Variants in ANO3 observed in about 807,000 individuals in gnomAD.
ANO3 encodes anoctamin-3.
In ANO3, 99 loss-of-function variants were observed where a neutral mutation model predicts 144.8. That is an observed-to-expected ratio of 0.68 (90% CI 0.58 to 0.81). ANO3 has a LOEUF of 0.81. Ranked by LOEUF, ANO3 falls within the 30% of genes least tolerant of loss-of-function variation. ANO3 has a pLI of 0.00. For synonymous variants in ANO3, 414 were observed against 392.6 expected, an observed-to-expected ratio of 1.05 and a Z score of -0.64; for missense variants, 905 against 1,202.2, an observed-to-expected ratio of 0.75 and a Z score of 3.66.
At chr11:26,190,899 T>A (rs1018281467) in intron 1 of ANO3, among the ~76,000 whole-genome samples, 1 of 152,234 alleles carries the variant, frequency 6.6e-6, no homozygotes, top group Non-Finnish European at 1.5e-5. Flanking sequence ...TATTTTTCTA[T>A]GACTTCTAAG....
intron 1 of ANO3, among the ~76,000 whole-genome samples, chr11:26,259,509 A>T (rs55665111): frequency 3.7e-5 from 5 of 136,686 alleles, no homozygotes; most frequent in African/African-American, 1.1e-4. Context: ...TTAGCCTGGC[A>T]TGGTGGTGTG....
chr11:26,657,903 C>A (rs1201837042), intron 26 of ANO3, among the ~76,000 whole-genome samples: 1 of 152,050 alleles, frequency 6.6e-6, no homozygotes, highest in Admixed American at 6.6e-5. Flanking sequence ...ATATTTTCCC[C>A]ATTCTATCAG....
intron 1 of ANO3, among the ~76,000 whole-genome samples, chr11:26,360,731 C>A (rs1855903660): frequency 6.6e-6 from 1 of 152,150 alleles, no homozygotes. Context: ...CTCTGCTCTA[C>A]TTTGTCAATT....
chr11:26,617,462 A>G (rs1472367549), intron 17 of ANO3, among the ~76,000 whole-genome samples: 2 of 152,254 alleles, frequency 1.3e-5, no homozygotes, highest in African/African-American at 4.8e-5. Context: ...TATTGGAATT[A>G]TAGAAGAATC....
intron 1 of ANO3, among the ~76,000 whole-genome samples, chr11:26,362,799 A>T (rs188943478): frequency 6.6e-5 from 10 of 152,266 alleles, no homozygotes; most frequent in Middle Eastern, 3.4e-3. Flanking sequence ...AGTCTATACC[A>T]TGAGGGAAGG....
At chr11:26,341,674 G>A (rs555388327) in intron 1 of ANO3, among the ~76,000 whole-genome samples, 3 of 152,294 alleles carry the variant, frequency 2.0e-5, no homozygotes, top group African/African-American at 4.8e-5. Context: ...TCCCATGATA[G>A]GCCGTCTGCA....
intron 3 of ANO3, among the ~76,000 whole-genome samples, chr11:26,452,214 T>C (rs1432721358): frequency 3.9e-5 from 6 of 152,224 alleles, no homozygotes; most frequent in East Asian, 3.9e-4. Flanking sequence ...TCACCAGCAA[T>C]GGAACAAAGC....
intron 4 of ANO3, among the ~76,000 whole-genome samples, chr11:26,503,938 A>G (rs1249251570): frequency 6.6e-6 from 1 of 152,158 alleles, no homozygotes; most frequent in Non-Finnish European, 1.5e-5. Context: ...CTTGATTTCT[A>G]GGTCTTCTCA....
intron 1 of ANO3, among the ~76,000 whole-genome samples, chr11:26,431,821 T>C (rs1018704430): frequency 9.2e-5 from 14 of 152,228 alleles, no homozygotes; most frequent in Admixed American, 2.6e-4. Flanking sequence ...AACATTTAAT[T>C]TGATTCATTG....
In ANO3 at chr11:26,349,275, GA is replaced by G. The variant is rs1175405814; in HGVS notation, c.46+16955del. Among the ~76,000 whole-genome samples, 17 of 152,144 alleles carry G rather than the reference GA, an allele frequency of 1.1e-4. 1 individual carries two copies. Among genetic ancestry groups the G allele is most frequent in the Admixed American group, 6.5e-4 (10 of 15,276 alleles). Reference sequence around the variant, plus strand: ...CATTCAAATGTAAAATCTAAGTTTAGATATTACTTCTGAAACTTAACCATTG... The same window carrying G: ...CATTCAAATGTAAAATCTAAGTTTAGTATTACTTCTGAAACTTAACCATTG... On this transcript the variant is annotated intron_variant, in intron 1 of 26. Coordinates refer to ENST00000256737, the MANE Select transcript of ANO3 (RefSeq NM_031418.4).
chr11:26,587,325 C>G (rs1278537847), intron 14 of ANO3, among the ~76,000 whole-genome samples: 1 of 152,178 alleles, frequency 6.6e-6, no homozygotes, highest in Non-Finnish European at 1.5e-5. Flanking sequence ...AGCCTTTCCT[C>G]CTATGTTTAT....
Position 26,531,437 on chromosome 11 carries a change from C to T in ANO3, c.869+101C>T, listed in dbSNP as rs559697101. The T allele has an allele frequency of 1.1e-4, 147 of 1,310,394 alleles. No individual in the cohort carries two copies. The African/African-American group carries it at 1.9e-3, about 17-fold the overall frequency. The allele number at this position is 1,310,394 out of a possible 1,614,324, so 81.2% of individuals were successfully genotyped here. On this transcript the variant is annotated intron_variant, in intron 8 of 26. Transcript: ENST00000256737. ...GACCATTTCCATTGTTTACCAAATA[C>T]GTCAGAGAACTTATCATTGTATTAA...
chr11:26,455,594 C>G (rs1320247479), intron 3 of ANO3, among the ~76,000 whole-genome samples: 1 of 152,158 alleles, frequency 6.6e-6, no homozygotes, highest in Non-Finnish European at 1.5e-5. Context: ...AATGGAAGAA[C>G]CTTCCATGCT....
chr11:26,654,698 G>A (rs1853630069), intron 24 of ANO3, among the ~76,000 whole-genome samples: 1 of 152,004 alleles, frequency 6.6e-6, no homozygotes. Context: ...AACATATGAA[G>A]CATTTCACTG....
At chr11:26,530,855 G>A (rs1323803995) in intron 7 of ANO3, among the ~76,000 whole-genome samples, 2 of 152,010 alleles carry the variant, frequency 1.3e-5, no homozygotes, top group Admixed American at 6.6e-5. Context: ...GTGACAGAGC[G>A]AGACTGTCTC....
chr11:26,527,339 T>G (rs1339567525), intron 7 of ANO3, among the ~76,000 whole-genome samples: 1 of 152,182 alleles, frequency 6.6e-6, no homozygotes, highest in Non-Finnish European at 1.5e-5. Flanking sequence ...GAAAATTCAG[T>G]TATCATTTAT....
At chr11:26,483,897 A>G (rs1860331829) in intron 4 of ANO3, among the ~76,000 whole-genome samples, 1 of 152,192 alleles carries the variant, frequency 6.6e-6, no homozygotes, top group Admixed American at 6.5e-5. Flanking sequence ...TGATATCATC[A>G]ATGAAGTCTA....
chr11:26,285,062 G>A (rs1174931698), intron 1 of ANO3, among the ~76,000 whole-genome samples: 2 of 152,050 alleles, frequency 1.3e-5, no homozygotes, highest in African/African-American at 2.4e-5. Flanking sequence ...TCCACTAGGG[G>A]GAGCTACCAC....
intron 1 of ANO3, among the ~76,000 whole-genome samples, chr11:26,365,051 G>A (rs1856029161): frequency 6.6e-6 from 1 of 152,200 alleles, no homozygotes; most frequent in African/African-American, 2.4e-5. Flanking sequence ...TGGGGGTATT[G>A]GCATTGGTAA....
Sources: gnomAD v4.1 joint callset for allele counts (sites outside exome capture counted in the v4.1 genomes callset) on GRCh38, gnomAD v4.1.1 for gene constraint, MANE v1.5 for transcripts, NCBI Gene and HGNC (gene_info 2026-07-23, HGNC 2026-07-21) for gene names.